The following KIAA1549L variants were observed in gnomAD, a reference collection of about 807,000 sequenced individuals.
The protein encoded by KIAA1549L is UPF0606 protein KIAA1549L.
In KIAA1549L, 88 loss-of-function variants were observed where a neutral mutation model predicts 160.7. The observed-to-expected ratio is 0.55, with a 90% CI of 0.46 to 0.65. KIAA1549L has a LOEUF of 0.65. Among genes scored for constraint, KIAA1549L ranks in the 30% least tolerant of loss-of-function variants. The pLI is 0.00. For synonymous variants in KIAA1549L, 950 were observed against 976.7 expected (o/e 0.97, Z 0.51); for missense variants, 2,258 against 2,437.5 (o/e 0.93, Z 1.55).
At position 33,530,239 on chromosome 11, in the gene KIAA1549L, C is replaced by CAAA. The variant is rs55962654; in HGVS notation, c.239-11552_239-11550dup. ...GAAACCCCATCTCTACTAAAAAATA[C>CAAA]AAAAAAAAAAAAATTAGCCGGGCGT... On this transcript the variant is annotated intron_variant, in intron 1 of 20. Coordinates refer to ENST00000658780, the MANE Select transcript of KIAA1549L (RefSeq NM_012194.3). Among the ~76,000 whole-genome samples, 211 of 134,558 alleles carry CAAA rather than the reference C, an allele frequency of 1.6e-3. 1 individual carries two copies. Among genetic ancestry groups the CAAA allele is most frequent in the South Asian group, 4.7e-3 (19 of 4,072 alleles). 88.3% of individuals were successfully genotyped at this position (134,558 alleles called of 152,430 possible).
intron 1 of KIAA1549L, among the ~76,000 whole-genome samples, chr11:33,411,204 G>A (rs930280342): frequency 2.6e-5 from 4 of 152,284 alleles, no homozygotes; most frequent in South Asian, 2.1e-4. Flanking sequence ...TTCATAAGCC[G>A]AATTTTATTT....
intron 1 of KIAA1549L, among the ~76,000 whole-genome samples, chr11:33,408,479 C>G (rs1850714899): frequency 8.6e-6 from 1 of 116,400 alleles, no homozygotes; most frequent in South Asian, 2.9e-4. Flanking sequence ...TATACATACT[C>G]TGTATATGTG....
intron 1 of KIAA1549L, among the ~76,000 whole-genome samples, chr11:33,404,888 A>G (rs1180121072): frequency 7.3e-5 from 11 of 151,148 alleles, no homozygotes; most frequent in Non-Finnish European, 1.5e-4. Context: ...CATGCCTGTA[A>G]TCCCAGCTAC....
At chr11:33,572,677 T>C (rs1855303910) in intron 9 of KIAA1549L, among the ~76,000 whole-genome samples, 1 of 152,256 alleles carries the variant, frequency 6.6e-6, no homozygotes, top group South Asian at 2.1e-4. Context: ...CTTATATGAA[T>C]ATACTACAGT....
intron 1 of KIAA1549L, among the ~76,000 whole-genome samples, chr11:33,465,419 C>T (rs1487729640): frequency 1.3e-5 from 2 of 152,098 alleles, no homozygotes; most frequent in African/African-American, 2.4e-5. Flanking sequence ...ACCCCAGAGC[C>T]TTGCTCAGGG....
chr11:33,531,644 G>A lies in KIAA1549L; in HGVS notation c.239-10158G>A, dbSNP rs371830593. 8.5e-4 allele frequency among the ~76,000 whole-genome samples: 130 copies of A among 152,288 alleles called. No homozygotes were observed. In the South Asian group the frequency reaches 0.025, roughly 29 times the overall value. On this transcript the variant is annotated intron_variant, in intron 1 of 20. Coordinates refer to ENST00000658780, the MANE Select transcript of KIAA1549L (RefSeq NM_012194.3). ...CAGTCAACAGAATCTTCTATTTGCTGGCATCACTTCAAGGCATGGCAATTT... is the reference window on the plus strand; with the variant it reads ...CAGTCAACAGAATCTTCTATTTGCTAGCATCACTTCAAGGCATGGCAATTT...
At chr11:33,629,599 ATTCTTCACGTAG>A (rs1851218663) in intron 16 of KIAA1549L, among the ~76,000 whole-genome samples, 1 of 151,378 alleles carries the variant, frequency 6.6e-6, no homozygotes, top group African/African-American at 2.4e-5. Context: ...AGGCTTCTGC[ATTCTTCACGTAG>A]TTCTCGAGCC....
chr11:33,643,557 C>G (rs566590223), intron 16 of KIAA1549L, among the ~76,000 whole-genome samples: 2 of 152,158 alleles, frequency 1.3e-5, no homozygotes, highest in East Asian at 3.9e-4. Context: ...ATTAAGCCTC[C>G]GTTATGTATC....
intron 13 of KIAA1549L, among the ~76,000 whole-genome samples, chr11:33,599,703 C>T (rs1351169753): frequency 2.0e-5 from 3 of 152,162 alleles, no homozygotes; most frequent in South Asian, 4.1e-4. Context: ...GTGCAGCTCC[C>T]TCTCCTGTTC....
intron 1 of KIAA1549L, among the ~76,000 whole-genome samples, chr11:33,463,937 T>A (rs1851991905): frequency 6.6e-6 from 1 of 152,222 alleles, no homozygotes; most frequent in South Asian, 2.1e-4. Context: ...AGCACCCTGC[T>A]GGTACCAGGT....
chr11:33,499,893 C>A (rs1169771155), intron 1 of KIAA1549L, among the ~76,000 whole-genome samples: 1 of 152,134 alleles, frequency 6.6e-6, no homozygotes, highest in East Asian at 1.9e-4. Context: ...TTCTTCAAGG[C>A]TTTTGATGTA....
intron 1 of KIAA1549L, among the ~76,000 whole-genome samples, chr11:33,530,602 GAAGA>G (rs1853747350): frequency 6.6e-6 from 1 of 151,212 alleles, no homozygotes; most frequent in African/African-American, 2.4e-5. Context: ...GCCGGGAGAA[GAAGA>G]GAGAAGAACC....
chr11:33,594,576 A>C (rs1051380348), intron 12 of KIAA1549L, among the ~76,000 whole-genome samples: 1 of 152,210 alleles, frequency 6.6e-6, no homozygotes, highest in Non-Finnish European at 1.5e-5. Context: ...AGCAGCAAGA[A>C]AAACAAAAAA....
At position 33,443,042 on chromosome 11, in the gene KIAA1549L, A is replaced by G. The variant is rs550031778; in HGVS notation, c.238+66153A>G. On this transcript the variant is annotated intron_variant, in intron 1 of 20. Coordinates refer to ENST00000658780, the MANE Select transcript of KIAA1549L (RefSeq NM_012194.3). ...AATGATTTGCTTAATTTGCTTAATT[A>G]TCTTTTCCATAATTTGTGTAATCCT... 5.9e-5 allele frequency among the ~76,000 whole-genome samples: 9 copies of G among 152,300 alleles called. No homozygotes were observed. In the South Asian group the frequency reaches 1.9e-3, roughly 32 times the overall value.
intron 1 of KIAA1549L, among the ~76,000 whole-genome samples, chr11:33,396,603 G>A (rs1037411742): frequency 9.2e-5 from 14 of 151,936 alleles, no homozygotes; most frequent in African/African-American, 3.4e-4. Context: ...GGACTCAGCT[G>A]AACTTACTCT....
intron 1 of KIAA1549L, among the ~76,000 whole-genome samples, chr11:33,509,619 C>T (rs543644934): frequency 6.6e-6 from 1 of 152,322 alleles, no homozygotes; most frequent in South Asian, 2.1e-4. Flanking sequence ...TTGGCCTGCA[C>T]TCTCAATTCC....
intron 1 of KIAA1549L, among the ~76,000 whole-genome samples, chr11:33,523,552 G>C (rs1373053923): frequency 1.3e-5 from 2 of 152,298 alleles, no homozygotes; most frequent in African/African-American, 4.8e-5. Flanking sequence ...TTCTCTGTGA[G>C]ATGCAAAATG....
intron 1 of KIAA1549L, among the ~76,000 whole-genome samples, chr11:33,492,029 T>C (rs976860729): frequency 6.6e-6 from 1 of 152,134 alleles, no homozygotes; most frequent in East Asian, 1.9e-4. Context: ...CTCTCAAACA[T>C]CTAATGGGAC....
intron 1 of KIAA1549L, among the ~76,000 whole-genome samples, chr11:33,401,340 G>T (rs1380189562): frequency 1.4e-5 from 2 of 147,180 alleles, no homozygotes; most frequent in African/African-American, 4.9e-5. Context: ...GAAGGTGTTG[G>T]TCAGAACATT....
Sources: gnomAD v4.1 joint callset for allele counts (sites outside exome capture counted in the v4.1 genomes callset) on GRCh38, gnomAD v4.1.1 for gene constraint, MANE v1.5 for transcripts, NCBI Gene and HGNC (gene_info 2026-07-23, HGNC 2026-07-21) for gene names.